The following CNTN5 variants were observed in gnomAD, a reference collection of about 807,000 sequenced individuals.
CNTN5 encodes the protein contactin 5, also known as contactin-5.
In CNTN5, 77 loss-of-function variants were observed where a neutral mutation model predicts 129.1. That is an observed-to-expected ratio of 0.60 (90% CI 0.50 to 0.72). The LOEUF (loss-of-function observed/expected upper bound fraction) is 0.72, where lower values mean the gene tolerates loss of function less well. CNTN5 is among the 30% of genes least tolerant of loss of function. The probability of loss-of-function intolerance (pLI) is 0.00; values close to 1 mark genes in which losing one functional copy is unlikely to be tolerated. For missense variants in CNTN5, 1,478 were observed against 1,328.8 expected, an observed-to-expected ratio of 1.11 and a Z score of -1.75; for synonymous variants, 509 against 465.6, an observed-to-expected ratio of 1.09 and a Z score of -1.20.
intron 3 of CNTN5, among the ~76,000 whole-genome samples, chr11:99,813,365 A>G (rs929578322): frequency 1.3e-5 from 2 of 152,144 alleles, no homozygotes; most frequent in African/African-American, 2.4e-5. Context: ...GTGATGAATA[A>G]AAACAGTTTC....
rs144310811 is a variant in CNTN5, at chr11:99,273,015, A to G, written c.-209-52331A>G. 7.0e-3 allele frequency among the ~76,000 whole-genome samples: 1,061 copies of G among 151,956 alleles called. 10 individuals are homozygous for G. The highest frequency in any genetic ancestry group is 0.023 in the African/African-American group (972 of 41,504). ...AGAGACACTGAAAGCCTGTCTAAACAATTTTTAATTTATACAATACAAATA... is the reference window on the plus strand; with the variant it reads ...AGAGACACTGAAAGCCTGTCTAAACGATTTTTAATTTATACAATACAAATA... On this transcript the variant is annotated intron_variant, in intron 1 of 24. Coordinates refer to ENST00000524871, the MANE Select transcript of CNTN5 (RefSeq NM_014361.4).
intron 1 of CNTN5, among the ~76,000 whole-genome samples, chr11:99,047,604 C>A (rs528229374): frequency 6.6e-6 from 1 of 151,974 alleles, no homozygotes; most frequent in Non-Finnish European, 1.5e-5. Flanking sequence ...AAAAGTTCAT[C>A]GATAAATTCA....
intron 3 of CNTN5, among the ~76,000 whole-genome samples, chr11:99,558,496 TAGAA>T (rs1256835664): frequency 6.6e-6 from 1 of 152,020 alleles, no homozygotes; most frequent in Non-Finnish European, 1.5e-5. Flanking sequence ...CTGACAATGC[TAGAA>T]AGAAAGAAGG....
chr11:99,555,348 G>A (rs1055572009), intron 2 of CNTN5, among the ~76,000 whole-genome samples: 1 of 151,888 alleles, frequency 6.6e-6, no homozygotes, highest in African/African-American at 2.4e-5. Flanking sequence ...AATTCTGGAG[G>A]TACTTGTGGA....
At chr11:99,307,968 T>G (rs999956151) in intron 1 of CNTN5, among the ~76,000 whole-genome samples, 5 of 152,194 alleles carry the variant, frequency 3.3e-5, no homozygotes, top group Non-Finnish European at 7.4e-5. Context: ...TTCATTGGCT[T>G]TCTATTTTCC....
chr11:99,962,280 G>A lies in CNTN5; in HGVS notation c.877+5271G>A, dbSNP rs534561344. Among the ~76,000 whole-genome samples the A allele has an allele frequency of 5.9e-5, 9 of 151,780 alleles. No homozygotes were observed. The East Asian group carries it at 1.6e-3, about 26-fold the overall frequency. On this transcript the variant is annotated intron_variant, in intron 8 of 24. Transcript: ENST00000524871. ...CCATTAACTCGTCGTTTAACATTAG[G>A]TATATCTCCTAATGCTATCCCTCCC...
intron 8 of CNTN5, among the ~76,000 whole-genome samples, chr11:99,966,446 G>A (rs1172119066): frequency 1.3e-5 from 2 of 152,168 alleles, no homozygotes; most frequent in Non-Finnish European, 2.9e-5. Flanking sequence ...GGCATCTTGA[G>A]CTTGAGCCCA....
intron 2 of CNTN5, among the ~76,000 whole-genome samples, chr11:99,402,644 G>T (rs1941872244): frequency 6.6e-6 from 1 of 152,112 alleles, no homozygotes; most frequent in East Asian, 1.9e-4. Flanking sequence ...GTTTGAGTAG[G>T]ATTGGTATTA....
At chr11:100,308,522 C>T in intron 21 of CNTN5, 54 bp downstream of exon 21, 2 of 1,545,440 alleles carry the variant, frequency 1.3e-6, no homozygotes, top group Middle Eastern at 1.7e-4. Flanking sequence ...ACATCACATT[C>T]TCCTAAAGAG....
intron 4 of CNTN5, among the ~76,000 whole-genome samples, chr11:99,831,576 A>G (rs1245519669): frequency 2.0e-5 from 3 of 152,186 alleles, no homozygotes; most frequent in Admixed American, 1.3e-4. Context: ...AGAAAGCTAT[A>G]GCGGATCCAA....
intron 2 of CNTN5, among the ~76,000 whole-genome samples, chr11:99,415,374 G>T (rs1942608047): frequency 6.6e-6 from 1 of 152,216 alleles, no homozygotes; most frequent in Middle Eastern, 3.4e-3. Flanking sequence ...AACCCAGCAA[G>T]GCTTGTCTGT....
At chr11:99,188,247 T>C (rs981577706) in intron 1 of CNTN5, among the ~76,000 whole-genome samples, 3 of 151,820 alleles carry the variant, frequency 2.0e-5, no homozygotes, top group African/African-American at 7.2e-5. Context: ...TAAATAAACA[T>C]GTATATATGT....
chr11:100,090,617 T>C (rs1410560358), intron 13 of CNTN5, among the ~76,000 whole-genome samples: 3 of 147,212 alleles, frequency 2.0e-5, no homozygotes, highest in South Asian at 2.3e-4. Flanking sequence ...TCTCACTGTC[T>C]GGGGGCTAGG....
intron 7 of CNTN5, among the ~76,000 whole-genome samples, chr11:99,939,929 A>G (rs1210411232): frequency 6.6e-6 from 1 of 152,204 alleles, no homozygotes; most frequent in Admixed American, 6.6e-5. Context: ...CTGTTGATCT[A>G]TCTATTTTTA....
rs916623850 is a variant in CNTN5, at chr11:99,919,987, G to A, written c.673+3838G>A. Among the ~76,000 whole-genome samples, 12 of 151,912 alleles carry A rather than the reference G, an allele frequency of 7.9e-5. No individual in the cohort carries two copies. In the East Asian group the frequency reaches 1.5e-3, roughly 20 times the overall value. On this transcript the variant is annotated intron_variant, in intron 7 of 24. Transcript: ENST00000524871. ...TCATTTTAATGCAATCATACAATCT[G>A]CAATCTATGTATGTGCACGTCTGTG...
At chr11:99,083,406 C>A (rs61891139) in intron 1 of CNTN5, among the ~76,000 whole-genome samples, 1 of 152,124 alleles carries the variant, frequency 6.6e-6, no homozygotes, top group Non-Finnish European at 1.5e-5. Flanking sequence ...GCACTTCAGA[C>A]GCATTACACC....
chr11:99,414,365 A>G (rs79333418), intron 2 of CNTN5, among the ~76,000 whole-genome samples: 277 of 152,250 alleles, frequency 1.8e-3, no homozygotes, highest in African/African-American at 6.4e-3. Context: ...TTGTGCACAC[A>G]TGGATATTTA....
intron 15 of CNTN5, among the ~76,000 whole-genome samples, chr11:100,221,325 C>G (rs1197809653): frequency 6.6e-6 from 1 of 152,034 alleles, no homozygotes; most frequent in Non-Finnish European, 1.5e-5. Flanking sequence ...AGAGCTACGT[C>G]AAAATAAGAA....
Position 100,356,773 on chromosome 11 carries a change from T to C in CNTN5, c.*553T>C, listed in dbSNP as rs911377644. 2 of 154,854 alleles carry C rather than the reference T, an allele frequency of 1.3e-5. No individual in the cohort carries two copies. The highest frequency in any genetic ancestry group is 3.8e-4 in the East Asian group (2 of 5,234). 9.6% of individuals were successfully genotyped at this position (154,854 alleles called of 1,614,324 possible). On this transcript the variant is annotated 3_prime_UTR_variant, in exon 25 of 25. Transcript: ENST00000524871. ...ACAAAAATTTTCTTGAAAAATATTG[T>C]ATGATTGCATAGTGAAATAGCAAGA...
Sources: gnomAD v4.1 joint callset for allele counts (sites outside exome capture counted in the v4.1 genomes callset) on GRCh38, gnomAD v4.1.1 for gene constraint, MANE v1.5 for transcripts, NCBI Gene and HGNC (gene_info 2026-07-23, HGNC 2026-07-21) for gene names.